Variants in MAN1A1 observed in about 807,000 individuals in gnomAD.
MAN1A1 encodes mannosyl-oligosaccharide 1,2-alpha-mannosidase IA.
A neutral mutation model predicts 70.8 loss-of-function variants in MAN1A1; 29 were observed. The observed-to-expected ratio is 0.41, with a 90% CI of 0.31 to 0.56. The LOEUF is 0.56. Ranked by LOEUF, MAN1A1 falls within the 20% of genes least tolerant of loss-of-function variation. The pLI, the probability that MAN1A1 is intolerant of heterozygous loss-of-function variation, is 0.29. For synonymous variants in MAN1A1, 349 were observed against 330.1 expected (o/e 1.06, Z -0.62); for missense variants, 747 against 841.3 (o/e 0.89, Z 1.39).
chr6:119,248,163 G>T, intron 6 of MAN1A1, 97 bp downstream of exon 6: 1 of 779,876 alleles, frequency 1.3e-6, no homozygotes, highest in Middle Eastern at 2.5e-4. Context: ...TTAGTCACCA[G>T]TATCATATAA....
At chr6:119,212,147 G>A (rs1436427776) in intron 6 of MAN1A1, among the ~76,000 whole-genome samples, 2 of 132,264 alleles carry the variant, frequency 1.5e-5, no homozygotes, top group African/African-American at 2.8e-5. Context: ...GCCAATAGTA[G>A]GTTTTTTTTT....
At chr6:119,184,917 C>G (rs1315864388) in intron 11 of MAN1A1, among the ~76,000 whole-genome samples, 1 of 151,894 alleles carries the variant, frequency 6.6e-6, no homozygotes, top group Non-Finnish European at 1.5e-5. Context: ...TCAAGAGAGT[C>G]TCGCTCTGTT....
chr6:119,246,909 T>A (rs943365461), intron 6 of MAN1A1, among the ~76,000 whole-genome samples: 32 of 152,172 alleles, frequency 2.1e-4, no homozygotes, highest in African/African-American at 7.5e-4. Flanking sequence ...GAAGAACAGA[T>A]CCTGAGGCAT....
At chr6:119,348,048 G>A (rs149326245) in intron 2 of MAN1A1, among the ~76,000 whole-genome samples, 2 of 152,326 alleles carry the variant, frequency 1.3e-5, no homozygotes, top group Admixed American at 6.5e-5. Context: ...GGGTATGCTG[G>A]CTAGCTTTAC....
chr6:119,316,582 G>GT lies in MAN1A1; in HGVS notation c.604-9591dup, dbSNP rs903599161. ...TTTCATGTAATGTCTAATCTCAAAAGTTTTTTTTTAATACTTGTAATAAAA... is the reference window on the plus strand; with the variant it reads ...TTTCATGTAATGTCTAATCTCAAAAGTTTTTTTTTTAATACTTGTAATAAAA... On this transcript the variant is annotated intron_variant, in intron 2 of 12. Coordinates refer to ENST00000368468, the MANE Select transcript of MAN1A1 (RefSeq NM_005907.4). Among the ~76,000 whole-genome samples, 441 of 151,608 alleles carry GT rather than the reference G, an allele frequency of 2.9e-3. 2 individuals carry two copies. Among genetic ancestry groups the GT allele is most frequent in the African/African-American group, 0.01 (424 of 41,372 alleles).
intron 6 of MAN1A1, among the ~76,000 whole-genome samples, chr6:119,241,377 T>G (rs1025345419): frequency 1.3e-5 from 2 of 152,208 alleles, no homozygotes; most frequent in Non-Finnish European, 2.9e-5. Flanking sequence ...GAGATTTAAC[T>G]ACATGGCTCT....
intron 3 of MAN1A1, among the ~76,000 whole-genome samples, 194 bp downstream of exon 3, chr6:119,306,702 G>T (rs1772534840): frequency 6.6e-6 from 1 of 152,138 alleles, no homozygotes; most frequent in Non-Finnish European, 1.5e-5. Flanking sequence ...ATTCCAGCAG[G>T]TTATTCGAAC....
intron 2 of MAN1A1, among the ~76,000 whole-genome samples, chr6:119,337,492 A>ACACATGGAT (rs1773486907): frequency 6.6e-6 from 1 of 152,184 alleles, no homozygotes; most frequent in South Asian, 2.1e-4. Context: ...GATCTGTTGG[A>ACACATGGAT]CACATGGATG....
rs74296939 is a variant in MAN1A1, at chr6:119,324,302, A to G, written c.604-17310T>C. ...TTTCTTTTCTATAGCTTACTTTGCCATAATAATACAGTATATCATACATAT... is the reference window on the plus strand; with the variant it reads ...TTTCTTTTCTATAGCTTACTTTGCCGTAATAATACAGTATATCATACATAT... On this transcript the variant is annotated intron_variant, in intron 2 of 12. Coordinates refer to ENST00000368468, the MANE Select transcript of MAN1A1 (RefSeq NM_005907.4). Among the ~76,000 whole-genome samples the G allele has an allele frequency of 5.9e-3, 899 of 152,344 alleles. 30 individuals carry two copies. The East Asian group carries it at 0.091, about 15-fold the overall frequency.
chr6:119,290,959 C>T (rs1024326382), intron 4 of MAN1A1, among the ~76,000 whole-genome samples, 196 bp from the exon 5 acceptor site: 1 of 151,900 alleles, frequency 6.6e-6, no homozygotes, highest in Non-Finnish European at 1.5e-5. Context: ...CGAAACATCA[C>T]TAACGGACCC....
At chr6:119,257,727 T>G (rs949372452) in intron 5 of MAN1A1, among the ~76,000 whole-genome samples, 1 of 152,000 alleles carries the variant, frequency 6.6e-6, no homozygotes, top group African/African-American at 2.4e-5. Flanking sequence ...GGAAACCCAA[T>G]GGCTATACAG....
intron 7 of MAN1A1, 89 bp from the exon 8 acceptor site, chr6:119,201,436 A>C: frequency 1.2e-6 from 1 of 822,562 alleles, no homozygotes; most frequent in Admixed American, 2.0e-5. Flanking sequence ...AGTTGACTTA[A>C]ATGATGCAGA....
At chr6:119,321,019 T>G (rs1772989082) in intron 2 of MAN1A1, among the ~76,000 whole-genome samples, 1 of 152,218 alleles carries the variant, frequency 6.6e-6, no homozygotes, top group African/African-American at 2.4e-5. Context: ...CTATTTGAAA[T>G]GTTTAATTTT....
Position 119,287,098 on chromosome 6 carries a change from G to A in MAN1A1, c.897+3585C>T, listed in dbSNP as rs75850048. On this transcript the variant is annotated intron_variant, in intron 5 of 12. Transcript: ENST00000368468. ...TCCAAGATCCCCAAAGAGGCTGCAT[G>A]TAACTGAAACTCTGACAATTAGCCT... Among the ~76,000 whole-genome samples, 896 of 152,174 alleles carry A rather than the reference G, an allele frequency of 5.9e-3. 30 individuals carry two copies. In the East Asian group the frequency reaches 0.09, roughly 15 times the overall value.
At chr6:119,283,869 G>A (rs1776285534) in intron 5 of MAN1A1, among the ~76,000 whole-genome samples, 1 of 152,174 alleles carries the variant, frequency 6.6e-6, no homozygotes, top group African/African-American at 2.4e-5. Flanking sequence ...CAAGAAGACT[G>A]TGTGGAGTGA....
At chr6:119,216,272 C>T (rs1774199349) in intron 6 of MAN1A1, among the ~76,000 whole-genome samples, 1 of 152,170 alleles carries the variant, frequency 6.6e-6, no homozygotes, top group Non-Finnish European at 1.5e-5. Context: ...GAATAGGTTA[C>T]ATAAAAGGAG....
intron 2 of MAN1A1, among the ~76,000 whole-genome samples, chr6:119,333,476 C>T (rs1773375427): frequency 6.6e-6 from 1 of 152,192 alleles, no homozygotes; most frequent in Non-Finnish European, 1.5e-5. Context: ...CTCCTGATGT[C>T]TGCCTTTGCA....
intron 2 of MAN1A1, among the ~76,000 whole-genome samples, chr6:119,316,175 GTTT>G (rs5879501): frequency 8.6e-5 from 10 of 116,218 alleles, no homozygotes; most frequent in African/African-American, 3.0e-4. Context: ...ATTTTTGTGG[GTTT>G]TTTTTTTTTT....
chr6:119,342,028 T>C (rs1045412518), intron 2 of MAN1A1, among the ~76,000 whole-genome samples: 5 of 152,222 alleles, frequency 3.3e-5, no homozygotes, highest in Admixed American at 3.3e-4. Flanking sequence ...TGAAAGATGG[T>C]ATCTGCGGGA....
Sources: allele counts gnomAD v4.1 joint callset (sites outside exome capture counted in the v4.1 genomes callset), GRCh38; gene constraint gnomAD v4.1.1; transcripts MANE v1.5; gene names NCBI Gene and HGNC (gene_info 2026-07-23, HGNC 2026-07-21).